Variants in SLC1A1 observed in about 807,000 individuals in gnomAD.
The protein encoded by SLC1A1 is solute carrier family 1 member 1, also known as excitatory amino acid transporter 3.
SLC1A1 carries 43 observed loss-of-function variants against 53.3 expected under a neutral mutation model. The ratio of observed to expected loss-of-function variants is 0.81; its 90% CI spans 0.63 to 1.04. The LOEUF (loss-of-function observed/expected upper bound fraction) is 1.04, where lower values mean the gene tolerates loss of function less well. Ranked by LOEUF, SLC1A1 falls within the 50% of genes least tolerant of loss-of-function variation. SLC1A1 has a pLI of 0.00. For synonymous variants in SLC1A1, 307 were observed against 243.2 expected (o/e 1.26, Z -2.44); for missense variants, 748 against 664.9 (o/e 1.12, Z -1.37).
At chr9:4,554,159 T>C (rs1479561337) in intron 2 of SLC1A1, 1 of 152,198 alleles carries the variant, frequency 6.6e-6, no homozygotes, top group Non-Finnish European at 1.5e-5. Flanking sequence ...TTTTTCAAGA[T>C]CACACAGATC....
intron 1 of SLC1A1, among the ~76,000 whole-genome samples, chr9:4,521,666 A>G (rs770168096): frequency 6.6e-6 from 1 of 152,138 alleles, no homozygotes; most frequent in African/African-American, 2.4e-5. Context: ...GAAGCTTTAT[A>G]ATGGCTGGCT....
chr9:4,582,614 C>G (rs1802432682), intron 10 of SLC1A1, among the ~76,000 whole-genome samples: 1 of 152,140 alleles, frequency 6.6e-6, no homozygotes, highest in South Asian at 2.1e-4. Context: ...GTAGATGGAA[C>G]AAGGGAGTAG....
chr9:4,544,776 C>A, intron 2 of SLC1A1, 69 bp downstream of exon 2: 1 of 1,278,918 alleles, frequency 7.8e-7, no homozygotes, highest in Non-Finnish European at 1.1e-6. Context: ...CTTCCTGAGA[C>A]TAGGTAATTT....
At chr9:4,492,376 G>T (rs1449853637) in intron 1 of SLC1A1, among the ~76,000 whole-genome samples, 2 of 151,896 alleles carry the variant, frequency 1.3e-5, no homozygotes, top group Admixed American at 6.6e-5. Context: ...CAGTTACTCG[G>T]GAGGCTGAGG....
At chr9:4,564,080 A>C (rs1183451552) in intron 3 of SLC1A1, among the ~76,000 whole-genome samples, 1 of 140,164 alleles carries the variant, frequency 7.1e-6, no homozygotes, top group East Asian at 2.0e-4. Context: ...CAGCCCCTTC[A>C]TTTAAAACAC....
intron 6 of SLC1A1, 89 bp downstream of exon 6, chr9:4,567,856 C>G (rs1819635210): frequency 1.1e-6 from 1 of 889,618 alleles, no homozygotes; most frequent in South Asian, 1.4e-5. Context: ...TCGTCATTCA[C>G]AGAATCGCAT....
intron 1 of SLC1A1, among the ~76,000 whole-genome samples, chr9:4,506,056 C>T (rs528785664): frequency 2.8e-4 from 42 of 152,324 alleles, no homozygotes; most frequent in African/African-American, 9.4e-4. Flanking sequence ...GAACTCCTGA[C>T]CTCAAGTGAT....
chr9:4,510,297 C>T (rs575269755), intron 1 of SLC1A1, among the ~76,000 whole-genome samples: 2 of 152,282 alleles, frequency 1.3e-5, no homozygotes, highest in South Asian at 2.1e-4. Flanking sequence ...AAGCATTGCC[C>T]GTGCATCTAC....
chr9:4,504,909 T>C (rs941624228), intron 1 of SLC1A1, among the ~76,000 whole-genome samples: 2 of 152,184 alleles, frequency 1.3e-5, no homozygotes, highest in Non-Finnish European at 1.5e-5. Flanking sequence ...TGTAGCAAGA[T>C]TGACCAAAAC....
chr9:4,570,221 A>G (rs1167238978), intron 6 of SLC1A1, among the ~76,000 whole-genome samples: 1 of 152,170 alleles, frequency 6.6e-6, no homozygotes, highest in Non-Finnish European at 1.5e-5. Flanking sequence ...CCTTCCTGCT[A>G]TTATTGGCTC....
rs567369708 is a variant in SLC1A1, at chr9:4,560,957, T to C, written c.233-492T>C. Among the ~76,000 whole-genome samples, 28 of 152,058 alleles carry C rather than the reference T, an allele frequency of 1.8e-4. No homozygotes were observed. The East Asian group carries it at 3.3e-3, about 18-fold the overall frequency. On this transcript the variant is annotated intron_variant, in intron 2 of 11. Coordinates refer to ENST00000262352, the MANE Select transcript of SLC1A1 (RefSeq NM_004170.6). ...GTTGTAATGAGCCGAGATCACACCA[T>C]TGCACTCCAGCCTGGGTGACAGAGT...
chr9:4,527,757 C>T (rs531960339), intron 1 of SLC1A1, among the ~76,000 whole-genome samples: 5 of 151,860 alleles, frequency 3.3e-5, no homozygotes, highest in Non-Finnish European at 7.4e-5. Context: ...ATTTTCTTAC[C>T]GTTTTGAAGC....
At chr9:4,528,266 G>A (rs1240343278) in intron 1 of SLC1A1, among the ~76,000 whole-genome samples, 2 of 150,950 alleles carry the variant, frequency 1.3e-5, no homozygotes, top group African/African-American at 4.9e-5. Flanking sequence ...ACTGGAGTTT[G>A]ATTTTATTAA....
intron 3 of SLC1A1, among the ~76,000 whole-genome samples, chr9:4,563,069 GTAAC>G (rs1422086015): frequency 2.7e-5 from 4 of 148,604 alleles, no homozygotes; most frequent in African/African-American, 7.5e-5. Flanking sequence ...GTATACATAT[GTAAC>G]TAACCTGCAC....
At position 4,507,351 on chromosome 9, in the gene SLC1A1, T is replaced by A. The variant is rs115974911; in HGVS notation, c.91+16581T>A. ...GTCTCTGGTGGTCATCCCAGATGCA[T>A]TCACAGTCATTTCTGGACCTTTAAT... On this transcript the variant is annotated intron_variant, in intron 1 of 11. Transcript: ENST00000262352. 7.3e-3 allele frequency among the ~76,000 whole-genome samples: 1,119 copies of A among 152,338 alleles called. 24 individuals carry two copies. Among genetic ancestry groups the A allele is most frequent in the African/African-American group, 0.026 (1,071 of 41,570 alleles).
chr9:4,585,479 C>A lies in SLC1A1; in HGVS notation c.1496C>A (p.Thr499Asn). 6.2e-7 allele frequency: 1 copy of A among 1,614,166 alleles called. No individual in the cohort carries two copies. The highest frequency in any genetic ancestry group is 8.5e-7 in the Non-Finnish European group (1 of 1,179,994). The change falls in exon 12 of 12, where the codon ACC (threonine) becomes AAC (asparagine). Residue 499 changes from threonine (T) to asparagine (N), a missense_variant. Physicochemically the swap from Thr to Asn is moderately conservative, Grantham distance 65. Coordinates refer to ENST00000262352, the MANE Select transcript of SLC1A1 (RefSeq NM_004170.6). Reference sequence around the variant, plus strand: ...ATCCTTGACAACGAAGACTCAGACACCAAGAAGTCTTATGTCAATGGAGGC... The same window carrying A: ...ATCCTTGACAACGAAGACTCAGACAACAAGAAGTCTTATGTCAATGGAGGC... ...STILDNEDSD[T>N]KKSYVNGGFA...
At chr9:4,563,815 C>G (rs547187578) in intron 3 of SLC1A1, among the ~76,000 whole-genome samples, 1 of 152,132 alleles carries the variant, frequency 6.6e-6, no homozygotes. Flanking sequence ...ATTCCACCCC[C>G]GGAACAGCAT....
intron 1 of SLC1A1, among the ~76,000 whole-genome samples, chr9:4,500,092 G>C (rs59711973): frequency 3.3e-5 from 5 of 152,122 alleles, no homozygotes; most frequent in African/African-American, 1.2e-4. Flanking sequence ...AACTGTCCTA[G>C]GGAGTCCGTG....
At chr9:4,563,041 C>T (rs10118436) in intron 3 of SLC1A1, among the ~76,000 whole-genome samples, 51,399 of 147,750 alleles carry the variant, frequency 0.35, 9,923 homozygotes, top group Middle Eastern at 0.48. Flanking sequence ...GTGGGTGCAG[C>T]GCACCAGCAT....
Sources: allele counts gnomAD v4.1 joint callset (sites outside exome capture counted in the v4.1 genomes callset), GRCh38; gene constraint gnomAD v4.1.1; transcripts MANE v1.5; gene names NCBI Gene and HGNC (gene_info 2026-07-23, HGNC 2026-07-21).